SECISBP2L: variants seen among roughly 807,000 people sequenced by gnomAD.
SECISBP2L encodes the protein selenocysteine insertion sequence-binding protein 2-like.
A neutral mutation model predicts 114.7 loss-of-function variants in SECISBP2L; 43 were observed. The ratio of observed to expected loss-of-function variants is 0.38; its 90% CI spans 0.29 to 0.48. SECISBP2L has a LOEUF of 0.48. Among genes scored for constraint, SECISBP2L ranks in the 20% least tolerant of loss-of-function variants. The probability of loss-of-function intolerance (pLI) is 0.98; values close to 1 mark genes in which losing one functional copy is unlikely to be tolerated. For synonymous variants in SECISBP2L, 451 were observed against 439.7 expected (o/e 1.03, Z -0.32); for missense variants, 1,136 against 1,301.1 (o/e 0.87, Z 1.95).
rs1162884722 is a variant in SECISBP2L at position 48,992,865 on chromosome 15, T to C, written c.2685A>G (p.Lys895=). The C allele has an allele frequency of 2.5e-6, 4 of 1,614,070 alleles. No individual in the cohort carries two copies. The highest frequency in any genetic ancestry group is 2.5e-6 in the Non-Finnish European group (3 of 1,180,038). Reference sequence around the variant, plus strand: ...AAGTGCTGTGCTTACAGGATACCTCTTTCTCATTTTCTGATGCTTCCAGTC... The same window carrying C: ...AAGTGCTGTGCTTACAGGATACCTCCTTCTCATTTTCTGATGCTTCCAGTC... ...SDGLEASENE[K]EVSCKHSTSE... The change falls in exon 18 of 18, where the codon AAA becomes AAG. Residue 895 remains lysine (K), a synonymous_variant. Transcript: ENST00000559471.
At chr15:49,022,674 TTCTC>T (rs1228050754) in intron 7 of SECISBP2L, among the ~76,000 whole-genome samples, 5 of 152,288 alleles carry the variant, frequency 3.3e-5, no homozygotes, top group East Asian at 1.9e-4. Flanking sequence ...AGGTAGCTGA[TTCTC>T]TCTAAGTTTA....
rs113115087 is a variant in SECISBP2L at position 49,017,986 on chromosome 15, T to A, written c.1171-358A>T. ...TTAACAGACAGCTTCATGTAAACTT[T>A]ATTAATATACTCCTTGTTCTGCATT... is the stretch of plus-strand genomic sequence containing the variant. On this transcript the variant is annotated intron_variant, in intron 8 of 17. Transcript: ENST00000559471. Among the ~76,000 whole-genome samples the A allele has an allele frequency of 3.1e-3, 479 of 152,324 alleles. 1 individual carries two copies. Among genetic ancestry groups the A allele is most frequent in the African/African-American group, 0.011 (455 of 41,574 alleles).
In SECISBP2L at chr15:48,989,427, A is replaced by C. The variant is rs1054307; in HGVS notation, c.*2817T>G. 76,989 of 152,396 alleles carry C rather than the reference A, an allele frequency of 0.51. 21,557 individuals are homozygous for C. The highest frequency in any genetic ancestry group is 0.63 in the Non-Finnish European group (42,771 of 67,918). 9.4% of individuals were successfully genotyped at this position (152,396 alleles called of 1,614,324 possible). On this transcript the variant is annotated 3_prime_UTR_variant, in exon 18 of 18. Transcript: ENST00000559471. ...TATAAAATACCATCTCTGCAAAAAC[A>C]ACCTCCAGTCAAAGCCAGTAAAAAC...
At chr15:49,017,456 G>A in intron 9 of SECISBP2L, 92 bp downstream of exon 9, 1 of 798,426 alleles carries the variant, frequency 1.3e-6, no homozygotes, top group East Asian at 2.7e-5. Context: ...GCTGCTCCAT[G>A]TGCCTTTACA....
intron 4 of SECISBP2L, among the ~76,000 whole-genome samples, chr15:49,031,224 T>G (rs1400963703): frequency 6.6e-6 from 1 of 151,806 alleles, no homozygotes; most frequent in South Asian, 2.1e-4. Context: ...ATTTTTATAT[T>G]TTTTAGTAGA....
At chr15:49,019,744 A>C in intron 7 of SECISBP2L, 192 bp from the exon 8 acceptor site, 1 of 418,126 alleles carries the variant, frequency 2.4e-6, no homozygotes, top group Non-Finnish European at 4.0e-6. Flanking sequence ...AAAATGAGAC[A>C]ATTAATCCAC....
intron 3 of SECISBP2L, among the ~76,000 whole-genome samples, chr15:49,034,042 CTTTT>C (rs35130544): frequency 6.6e-6 from 1 of 151,410 alleles, no homozygotes; most frequent in Non-Finnish European, 1.5e-5. Flanking sequence ...ATTTCCAACA[CTTTT>C]TTTTTCATTC....
Position 49,046,391 on chromosome 15 carries a change from G to A in SECISBP2L, c.-92C>T. The A allele has an allele frequency of 1.5e-6, 2 of 1,305,060 alleles. No individual in the cohort carries two copies. The highest frequency in any genetic ancestry group is 1.0e-6 in the Non-Finnish European group (1 of 996,810). The allele number at this position is 1,305,060 out of a possible 1,614,324, so 80.8% of individuals were successfully genotyped here. ...GGCCCCCCGCTCGGGTCCAGACTGG[G>A]TTCCGGACCTCCGCCCCTATCTGGC... is the stretch of plus-strand genomic sequence containing the variant. On this transcript the variant is annotated 5_prime_UTR_variant, in exon 1 of 18. Coordinates refer to ENST00000559471, the MANE Select transcript of SECISBP2L (RefSeq NM_001193489.2).
At chr15:48,999,771 G>A (rs1902165443) in intron 16 of SECISBP2L, 62 bp downstream of exon 16, 3 of 1,561,454 alleles carry the variant, frequency 1.9e-6, no homozygotes, top group Non-Finnish European at 2.6e-6. Context: ...TATGTCAATC[G>A]AAAAATGTGC....
chr15:48,992,744 C>T lies in SECISBP2L; in HGVS notation c.2806G>A (p.Gly936Arg), dbSNP rs1902009087. The change falls in exon 18 of 18, where the codon GGG becomes AGG. Residue 936 changes from glycine to arginine, a missense_variant. This residue lies in a region of SECISBP2L where 684 missense variants were observed against 848.7 expected (regional missense o/e 0.81). Coordinates refer to ENST00000559471, the MANE Select transcript of SECISBP2L (RefSeq NM_001193489.2). ...TCTTTATCACTTGCTGTGGATTTCC[C>T]AGCACTTGTAGCTGAGGTAGTACTG... ...TGSTTSATSA[G>R]KSTASDKEEV... 5 of 1,614,050 alleles carry T rather than the reference C, an allele frequency of 3.1e-6. No homozygotes were observed. The highest frequency in any genetic ancestry group is 1.7e-5 in the Admixed American group (1 of 59,988).
intron 2 of SECISBP2L, 69 bp downstream of exon 2, chr15:49,037,522 A>T (rs1903036047): frequency 7.2e-7 from 1 of 1,388,534 alleles, no homozygotes; most frequent in East Asian, 2.4e-5. Context: ...CAAAGGAAAA[A>T]TATTAAGTGC....
At position 49,037,696 on chromosome 15, in the gene SECISBP2L, A is replaced by C; in HGVS notation, c.98T>G (p.Met33Arg). The change falls in exon 2 of 18, where the codon ATG becomes AGG. Residue 33 changes from methionine to arginine, a missense_variant. By Grantham distance (91) the Met-to-Arg change is moderately conservative. Transcript: ENST00000559471. Reference protein sequence around the residue: ...KKSPDTFMIPMALPNDNGSVS... With the variant: ...KKSPDTFMIPRALPNDNGSVS... Reference sequence around the variant, plus strand: ...ACTTCCATTATCATTTGGGAGAGCCATAGGGATCATAAATGTATCAGGACT... The same window carrying C: ...ACTTCCATTATCATTTGGGAGAGCCCTAGGGATCATAAATGTATCAGGACT... The C allele has an allele frequency of 6.2e-7, 1 of 1,613,862 alleles. No individual in the cohort carries two copies. Among genetic ancestry groups the C allele is most frequent in the Non-Finnish European group, 8.5e-7 (1 of 1,179,846 alleles).
intron 13 of SECISBP2L, among the ~76,000 whole-genome samples, chr15:49,010,499 T>C (rs1595786323): frequency 6.6e-6 from 1 of 152,230 alleles, no homozygotes; most frequent in Non-Finnish European, 1.5e-5. Context: ...ACATGGTGTT[T>C]TTTTTTGGTT....
At chr15:49,023,955 A>G (rs952500391) in intron 7 of SECISBP2L, among the ~76,000 whole-genome samples, 7 of 152,234 alleles carry the variant, frequency 4.6e-5, no homozygotes, top group African/African-American at 1.7e-4. Flanking sequence ...TACATTGTAT[A>G]TAATCTTTTT....
At chr15:49,007,038 C>A (rs1404782160) in intron 14 of SECISBP2L, among the ~76,000 whole-genome samples, 1 of 152,178 alleles carries the variant, frequency 6.6e-6, no homozygotes, top group African/African-American at 2.4e-5. Flanking sequence ...AGTTTTCCTT[C>A]TAACAGTCAG....
chr15:49,012,989 A>G (rs1483043042), intron 11 of SECISBP2L, 172 bp from the exon 12 acceptor site: 9 of 620,626 alleles, frequency 1.5e-5, no homozygotes, highest in Non-Finnish European at 2.5e-5. Context: ...GCTTTTACCT[A>G]TCCTTTAGAG....
At chr15:49,013,282 A>G (rs1291053899) in intron 11 of SECISBP2L, 4 of 145,316 alleles carry the variant, frequency 2.8e-5, no homozygotes, top group Admixed American at 1.3e-4. Context: ...TCACTCAGTA[A>G]TTATTTTTAT....
intron 1 of SECISBP2L, among the ~76,000 whole-genome samples, chr15:49,040,354 C>T (rs1903097787): frequency 6.6e-6 from 1 of 152,046 alleles, no homozygotes. Context: ...AACAGCTGCA[C>T]AAACAGAAGA....
At chr15:49,006,948 T>G (rs1168398498) in intron 14 of SECISBP2L, among the ~76,000 whole-genome samples, 1 of 152,252 alleles carries the variant, frequency 6.6e-6, no homozygotes, top group Non-Finnish European at 1.5e-5. Context: ...ATCTTTGGTC[T>G]TTGATATTGG....
Sources: allele counts gnomAD v4.1 joint callset (sites outside exome capture counted in the v4.1 genomes callset), GRCh38; gene constraint gnomAD v4.1.1; regional missense constraint gnomAD v4.1.1; transcripts MANE v1.5; gene names NCBI Gene and HGNC (gene_info 2026-07-23, HGNC 2026-07-21).